Variants in NRDC observed in about 807,000 individuals in gnomAD.
NRDC encodes the protein nardilysin convertase, also known as nardilysin.
In NRDC, 54 loss-of-function variants were observed where a neutral mutation model predicts 147.1. That is an observed-to-expected ratio of 0.37 (90% confidence interval 0.29 to 0.46). The LOEUF is 0.46. Ranked by LOEUF, NRDC falls within the 20% of genes least tolerant of loss-of-function variation. NRDC has a pLI of 1.00. For missense variants in NRDC, 1,082 were observed against 1,370.6 expected, an observed-to-expected ratio of 0.79 and a Z score of 3.33; for synonymous variants, 440 against 482.1, an observed-to-expected ratio of 0.91 and a Z score of 1.14.
At chr1:51,805,398 G>T in intron 19 of NRDC, 112 bp downstream of exon 19, 1 of 769,794 alleles carries the variant, frequency 1.3e-6, no homozygotes, top group Non-Finnish European at 2.0e-6. Flanking sequence ...ACATAAATCA[G>T]CAACATAGCT....
intron 1 of NRDC, among the ~76,000 whole-genome samples, chr1:51,842,720 T>A (rs1681330938): frequency 2.0e-5 from 3 of 152,204 alleles, no homozygotes; most frequent in African/African-American, 7.2e-5. Flanking sequence ...GTATATTATT[T>A]AGGTATACAT....
At chr1:51,802,297 T>C (rs1014087312) in intron 20 of NRDC, among the ~76,000 whole-genome samples, 4 of 152,172 alleles carry the variant, frequency 2.6e-5, no homozygotes, top group Non-Finnish European at 5.9e-5. Context: ...TAAACTGGAT[T>C]TAATTTTTAG....
At chr1:51,824,254 T>G (rs1416620094) in intron 6 of NRDC, among the ~76,000 whole-genome samples, 1 of 151,930 alleles carries the variant, frequency 6.6e-6, no homozygotes, top group African/African-American at 2.4e-5. Flanking sequence ...GCATCCCAAG[T>G]AGCTGGGACT....
chr1:51,825,457 G>A (rs1680403411), intron 5 of NRDC, 75 bp from the exon 6 acceptor site: 1 of 1,138,956 alleles, frequency 8.8e-7, no homozygotes, highest in African/African-American at 1.6e-5. Context: ...CAAACTTACA[G>A]AACAGAAAGC....
At chr1:51,873,511 ATTTAT>A (rs2124143722) in intron 1 of NRDC, among the ~76,000 whole-genome samples, 1 of 150,262 alleles carries the variant, frequency 6.7e-6, no homozygotes, top group African/African-American at 2.4e-5. Flanking sequence ...TTATTTATTT[ATTTAT>A]TTATTTATGT....
chr1:51,849,016 G>C (rs769069004), intron 1 of NRDC, among the ~76,000 whole-genome samples: 16 of 152,148 alleles, frequency 1.1e-4, no homozygotes, highest in Non-Finnish European at 1.8e-4. Context: ...ATATTACTGG[G>C]TGGGAACATC....
intron 8 of NRDC, among the ~76,000 whole-genome samples, 178 bp downstream of exon 8, chr1:51,821,320 C>T (rs920639056): frequency 6.6e-6 from 1 of 152,054 alleles, no homozygotes; most frequent in African/African-American, 2.4e-5. Flanking sequence ...GGAAACTTGG[C>T]TTGTCATCTT....
At chr1:51,820,219 T>C (rs1442518292) in intron 8 of NRDC, among the ~76,000 whole-genome samples, 2 of 152,192 alleles carry the variant, frequency 1.3e-5, no homozygotes, top group Non-Finnish European at 2.9e-5. Context: ...CTAGAGATAA[T>C]ACTTTTTTAA....
intron 1 of NRDC, among the ~76,000 whole-genome samples, chr1:51,851,415 T>C (rs994285994): frequency 2.6e-5 from 4 of 151,888 alleles, no homozygotes; most frequent in African/African-American, 9.7e-5. Flanking sequence ...GTTTGTCACC[T>C]AGGTTTTGCG....
chr1:51,792,693 CCAGATCCTG>C (rs1226116426), intron 24 of NRDC, among the ~76,000 whole-genome samples: 1 of 152,176 alleles, frequency 6.6e-6, no homozygotes, highest in Admixed American at 6.5e-5. Flanking sequence ...CCCTGACCTG[CCAGATCCTG>C]TCAGAGGACA....
rs369553370 is a variant in NRDC, at chr1:51,878,262, C to T, written c.341+13G>A. 6.1e-4 allele frequency: 975 copies of T among 1,604,874 alleles called. 2 individuals carry two copies. The highest frequency in any genetic ancestry group is 6.6e-4 in the Non-Finnish European group (771 of 1,173,440). On this transcript the variant is annotated intron_variant, in intron 1 of 30. Transcript: ENST00000352171. Reference sequence around the variant, plus strand: ...ACACTGTTCGCCTCCCCATTGCAAGCCTCCTCCCTCACCGGTATTGCTTGG... The same window carrying T: ...ACACTGTTCGCCTCCCCATTGCAAGTCTCCTCCCTCACCGGTATTGCTTGG...
At chr1:51,850,911 G>A (rs899206200) in intron 1 of NRDC, among the ~76,000 whole-genome samples, 2 of 152,178 alleles carry the variant, frequency 1.3e-5, no homozygotes, top group Non-Finnish European at 1.5e-5. Context: ...CAAAATCTTG[G>A]TGTGGATATC....
chr1:51,826,199 C>T (rs1305685272), intron 5 of NRDC, among the ~76,000 whole-genome samples: 1 of 152,174 alleles, frequency 6.6e-6, no homozygotes, highest in Non-Finnish European at 1.5e-5. Flanking sequence ...CTAAAAACCG[C>T]TAGAACTGCA....
intron 1 of NRDC, among the ~76,000 whole-genome samples, chr1:51,867,867 A>C (rs1682892505): frequency 6.6e-6 from 1 of 152,248 alleles, no homozygotes; most frequent in African/African-American, 2.4e-5. Flanking sequence ...GAGAAACTGA[A>C]TAGCTAGAAG....
intron 1 of NRDC, among the ~76,000 whole-genome samples, chr1:51,851,782 A>G (rs903326395): frequency 6.6e-6 from 1 of 152,198 alleles, no homozygotes; most frequent in Admixed American, 6.5e-5. Flanking sequence ...TGACTAAATT[A>G]AAGAACAAAT....
At chr1:51,854,463 G>T (rs1351147603) in intron 1 of NRDC, among the ~76,000 whole-genome samples, 1 of 152,176 alleles carries the variant, frequency 6.6e-6, no homozygotes, top group African/African-American at 2.4e-5. Flanking sequence ...CTGCACCCCA[G>T]TACCCCACAA....
chr1:51,836,529 T>C (rs75019987), intron 2 of NRDC: 2 of 1,149,294 alleles, frequency 1.7e-6, no homozygotes, highest in Non-Finnish European at 2.5e-6. Context: ...ATTTCATAAT[T>C]CTGAACCAAG....
chr1:51,796,532 G>A (rs1185196330), intron 22 of NRDC, among the ~76,000 whole-genome samples: 1 of 150,840 alleles, frequency 6.6e-6, no homozygotes, highest in Non-Finnish European at 1.5e-5. Flanking sequence ...GGGCCGCCTT[G>A]CACAGCCTTC....
At chr1:51,849,206 G>A (rs527426718) in intron 1 of NRDC, among the ~76,000 whole-genome samples, 170 of 152,018 alleles carry the variant, frequency 1.1e-3, no homozygotes, top group African/African-American at 4.1e-3. Context: ...CTAACACAGT[G>A]AAACCCCGTC....
Sources: gnomAD v4.1 joint callset for allele counts (sites outside exome capture counted in the v4.1 genomes callset) on GRCh38, gnomAD v4.1.1 for gene constraint, MANE v1.5 for transcripts, NCBI Gene and HGNC (gene_info 2026-07-23, HGNC 2026-07-21) for gene names.